IKBKB-DT: variants seen among roughly 807,000 people sequenced by gnomAD.
The protein encoded by IKBKB-DT is IKBKB divergent transcript.
intron 3 of IKBKB-DT, among the ~76,000 whole-genome samples, chr8:42,246,212 G>A (rs1807061396): frequency 6.6e-6 from 1 of 152,028 alleles, no homozygotes; most frequent in African/African-American, 2.4e-5. Context: ...AATTTTTGTA[G>A]AGTCAGGGTC....
At chr8:42,262,408 G>A (rs1030382332) in intron 3 of IKBKB-DT, among the ~76,000 whole-genome samples, 2 of 145,900 alleles carry the variant, frequency 1.4e-5, no homozygotes, top group African/African-American at 5.3e-5. Flanking sequence ...AGATCCAGGA[G>A]AGCTAACTAC....
intron 3 of IKBKB-DT, among the ~76,000 whole-genome samples, chr8:42,235,138 AT>A (rs1488921856): frequency 1.9e-5 from 2 of 104,436 alleles, no homozygotes; most frequent in African/African-American, 5.2e-5. Context: ...TTTGATGTCA[AT>A]TTTTTTTCTT....
rs560786847 is a variant in IKBKB-DT, at chr8:42,252,082, C to T, written n.1529+11247G>A. Among the ~76,000 whole-genome samples, 12 of 152,350 alleles carry T rather than the reference C, an allele frequency of 7.9e-5. No individual in the cohort carries two copies. In the East Asian group the frequency reaches 1.5e-3, roughly 20 times the overall value. ...CTACCTGGAGGCCAGGCATGTTCAA[C>T]ATGGAGGCTCCATCTTCCCTTTTCT... On this transcript the variant is annotated intron_variant and non_coding_transcript_variant, in intron 3 of 3. Transcript: ENST00000518213.
At chr8:42,268,927 A>G (rs1807420903) in intron 1 of IKBKB-DT, among the ~76,000 whole-genome samples, 1 of 152,180 alleles carries the variant, frequency 6.6e-6, no homozygotes. Context: ...CACTTAGACA[A>G]TGCAGTCACT....
rs951722724 is a variant in IKBKB-DT, at chr8:42,247,026, C to A, written n.1530-13167G>T. On this transcript the variant is annotated intron_variant and non_coding_transcript_variant, in intron 3 of 3. Transcript: ENST00000518213. ...GATCTGACAGGAAGCGGAGCTCAGG[C>A]AGCCTAGTGAAGCTATGAGAAGACG... is the stretch of plus-strand genomic sequence containing the variant. Among the ~76,000 whole-genome samples the A allele has an allele frequency of 2.6e-5, 4 of 152,328 alleles. No individual in the cohort carries two copies. In the East Asian group the frequency reaches 5.8e-4, roughly 22 times the overall value.
At chr8:42,252,802 G>A (rs1168105571) in intron 3 of IKBKB-DT, among the ~76,000 whole-genome samples, 2 of 152,110 alleles carry the variant, frequency 1.3e-5, no homozygotes, top group African/African-American at 4.8e-5. Context: ...AGTACAAAGG[G>A]GTCATTCCTC....
At chr8:42,239,390 G>A (rs1233840521) in intron 3 of IKBKB-DT, among the ~76,000 whole-genome samples, 5 of 151,186 alleles carry the variant, frequency 3.3e-5, no homozygotes, top group South Asian at 4.2e-4. Context: ...GGCCTGGCCC[G>A]ACCTGCTTGG....
At chr8:42,267,883 A>AT (rs1386625246) in intron 1 of IKBKB-DT, among the ~76,000 whole-genome samples, 1 of 152,158 alleles carries the variant, frequency 6.6e-6, no homozygotes, top group Admixed American at 6.6e-5. Flanking sequence ...AGAAAAAAAA[A>AT]GCCTAGTAAT....
chr8:42,244,750 T>C (rs1432516732), intron 3 of IKBKB-DT, among the ~76,000 whole-genome samples: 1 of 152,172 alleles, frequency 6.6e-6, no homozygotes, highest in Non-Finnish European at 1.5e-5. Context: ...GGGTCAGGGT[T>C]TGGAAAGACC....
intron 1 of IKBKB-DT, among the ~76,000 whole-genome samples, chr8:42,266,548 A>C (rs902209251): frequency 1.3e-5 from 2 of 152,214 alleles, no homozygotes; most frequent in African/African-American, 4.8e-5. Context: ...TACTGCCAGA[A>C]GCATTTGAAC....
chr8:42,268,854 A>G (rs1474740266), intron 1 of IKBKB-DT, among the ~76,000 whole-genome samples: 1 of 152,092 alleles, frequency 6.6e-6, no homozygotes, highest in Admixed American at 6.6e-5. Context: ...GGCATGAGCC[A>G]CCTCACCTGG....
chr8:42,261,778 T>C (rs898503198), intron 3 of IKBKB-DT, among the ~76,000 whole-genome samples: 21 of 152,206 alleles, frequency 1.4e-4, no homozygotes, highest in African/African-American at 4.8e-4. Context: ...ACCGTTTTGA[T>C]GATTGTAGGT....
At chr8:42,250,294 G>A (rs2129916306) in intron 3 of IKBKB-DT, among the ~76,000 whole-genome samples, 1 of 152,240 alleles carries the variant, frequency 6.6e-6, no homozygotes. Flanking sequence ...GTGGATCCAG[G>A]TGGAGCCATC....
rs1209005939 is a variant in IKBKB-DT at position 42,266,610 on chromosome 8, C to T, written n.604-214G>A. Among the ~76,000 whole-genome samples the T allele has an allele frequency of 2.0e-5, 3 of 152,184 alleles. 1 individual carries two copies. Among genetic ancestry groups the T allele is most frequent in the Admixed American group, 2.0e-4 (3 of 15,264 alleles). On this transcript the variant is annotated intron_variant and non_coding_transcript_variant, in intron 1 of 3. Coordinates refer to ENST00000518213, the Ensembl canonical transcript of IKBKB-DT. ...CTGGGTAAAATGAGGCTGAGACCTA[C>T]TGGGCTGCATTCCCAGATGGTTAAG...
intron 3 of IKBKB-DT, among the ~76,000 whole-genome samples, chr8:42,246,090 G>A (rs146193311): frequency 5.9e-5 from 9 of 152,258 alleles, no homozygotes; most frequent in East Asian, 5.8e-4. Context: ...AGGCTAGAGC[G>A]CAGTGGCACA....
chr8:42,238,024 C>CAAAAAAAAAAAAAAAA, intron 3 of IKBKB-DT, among the ~76,000 whole-genome samples: 1 of 35,230 alleles, frequency 2.8e-5, no homozygotes, highest in Non-Finnish European at 8.4e-5. Context: ...GGCCCTCTCT[C>CAAAAAAAAAAAAAAAA]AAAAAAAAAA....
chr8:42,262,327 A>G (rs1052934292), intron 3 of IKBKB-DT, among the ~76,000 whole-genome samples: 4 of 151,814 alleles, frequency 2.6e-5, no homozygotes, highest in Non-Finnish European at 5.9e-5. Context: ...ATTTAAAAAA[A>G]AAAAGAAAAG....
At chr8:42,247,005 T>C (rs1807072863) in intron 3 of IKBKB-DT, among the ~76,000 whole-genome samples, 1 of 152,200 alleles carries the variant, frequency 6.6e-6, no homozygotes, top group Admixed American at 6.5e-5. Context: ...GCCACTGATC[T>C]GACAGGAAGC....
In IKBKB-DT at chr8:42,262,459, A is replaced by T. The variant is rs146925706; in HGVS notation, n.1529+870T>A. Among the ~76,000 whole-genome samples, 272 of 124,070 alleles carry T rather than the reference A, an allele frequency of 2.2e-3. 1 individual carries two copies. Among genetic ancestry groups the T allele is most frequent in the African/African-American group, 0.011 (249 of 23,516 alleles). The allele number at this position is 124,070 out of a possible 152,430, so 81.4% of individuals were successfully genotyped here. On this transcript the variant is annotated intron_variant and non_coding_transcript_variant, in intron 3 of 3. Coordinates refer to ENST00000518213, the Ensembl canonical transcript of IKBKB-DT. ...ATTTATTTATTTATTTATTTATTTA[A>T]GACAGAGTCTCACTCTGTGGCCCAG...
Sources: allele counts gnomAD v4.1 joint callset (sites outside exome capture counted in the v4.1 genomes callset), GRCh38; gene constraint gnomAD v4.1.1; transcripts MANE v1.5; gene names NCBI Gene and HGNC (gene_info 2026-07-23, HGNC 2026-07-21).